The following PRSS23 variants were observed in gnomAD, a reference collection of about 807,000 sequenced individuals.
The protein encoded by PRSS23 is serine protease 23.
In PRSS23, 25 loss-of-function variants were observed where a neutral mutation model predicts 34.7. The ratio of observed to expected loss-of-function variants is 0.72; its 90% CI spans 0.53 to 1.01. The LOEUF (loss-of-function observed/expected upper bound fraction) is 1.01, where lower values mean the gene tolerates loss of function less well. PRSS23 is among the 50% of genes least tolerant of loss of function. The probability of loss-of-function intolerance (pLI) is 0.00; values close to 1 mark genes in which losing one functional copy is unlikely to be tolerated. For missense variants in PRSS23, 445 were observed against 475.6 expected (o/e 0.94, Z 0.60); for synonymous variants, 176 against 186.6 (o/e 0.94, Z 0.46).
chr11:86,876,973 A>C (rs1313581635), intron 2 of PRSS23, among the ~76,000 whole-genome samples: 1 of 152,204 alleles, frequency 6.6e-6, no homozygotes, highest in African/African-American at 2.4e-5. Context: ...AGAGTTGTAT[A>C]ACCTGTCTTC....
At position 86,829,631 on chromosome 11, in the gene PRSS23, T is replaced by G. The variant is rs567377064; in HGVS notation, c.206+6038T>G. 3.7e-3 allele frequency among the ~76,000 whole-genome samples: 570 copies of G among 152,232 alleles called. 4 individuals carry two copies. Among genetic ancestry groups the G allele is most frequent in the African/African-American group, 0.013 (527 of 41,532 alleles). ...CATCTTTGTGGTTTTATCTACTTTT[T>G]GTCTTTGATGATGGTGATGTACAGA... On this transcript the variant is annotated intron_variant, in intron 2 of 2. Coordinates refer to the PRSS23 transcript ENST00000533902.
intron 2 of PRSS23, among the ~76,000 whole-genome samples, chr11:86,866,446 C>T (rs1301475195): frequency 6.6e-6 from 1 of 152,134 alleles, no homozygotes; most frequent in African/African-American, 2.4e-5. Context: ...AGAGGACTAC[C>T]TGCCTATTTA....
chr11:86,833,343 C>T lies in PRSS23; in HGVS notation c.206+9750C>T, dbSNP rs376069497. On this transcript the variant is annotated intron_variant, in intron 2 of 2. Transcript: ENST00000533902. ...CCAGGATAATGAGCAGATTCTCCAG[C>T]ACCATGACTAGGTACATGAACAGGA... The T allele has an allele frequency of 7.5e-5, 72 of 954,018 alleles. No homozygotes were observed. In the African/African-American group the frequency reaches 9.1e-4, roughly 12 times the overall value. The allele number at this position is 954,018 out of a possible 1,614,324, so 59.1% of individuals were successfully genotyped here. A position where few individuals can be genotyped will look rare whatever the true frequency, so the allele number is the denominator to read the frequency against.
At chr11:86,930,691 G>A (rs1156274786) in intron 2 of PRSS23, among the ~76,000 whole-genome samples, 2 of 151,882 alleles carry the variant, frequency 1.3e-5, no homozygotes, top group Non-Finnish European at 2.9e-5. Context: ...TGGGGAGGCT[G>A]AGGCAGGAGA....
intron 2 of PRSS23, among the ~76,000 whole-genome samples, chr11:86,896,768 C>T (rs1040793679): frequency 5.9e-5 from 9 of 152,236 alleles, no homozygotes; most frequent in African/African-American, 1.7e-4. Flanking sequence ...ACTAATGCAG[C>T]GTCTACCCTG....
chr11:86,902,448 C>T (rs894158815), intron 2 of PRSS23, among the ~76,000 whole-genome samples: 25 of 152,146 alleles, frequency 1.6e-4, no homozygotes, highest in African/African-American at 5.6e-4. Context: ...GGGTCCTCAC[C>T]CAAGCTTCGG....
chr11:86,939,426 A>ATATATATATATATAT, intron 2 of PRSS23, among the ~76,000 whole-genome samples: 1 of 94,076 alleles, frequency 1.1e-5, no homozygotes, highest in African/African-American at 3.3e-5. Context: ...ATATATATAT[A>ATATATATATATATAT]TTTTTTAACA....
At chr11:86,907,860 A>G (rs1405202703) in intron 2 of PRSS23, among the ~76,000 whole-genome samples, 2 of 148,562 alleles carry the variant, frequency 1.3e-5, no homozygotes, top group African/African-American at 4.9e-5. Context: ...GAAACTTTAT[A>G]CCCAGTTGAA....
intron 2 of PRSS23, among the ~76,000 whole-genome samples, chr11:86,930,172 T>C (rs72963410): frequency 0.04 from 5,054 of 125,222 alleles, 119 homozygotes; most frequent in Non-Finnish European, 0.064. Context: ...AAAACTGATA[T>C]CAAGAAGTTC....
chr11:86,812,801 AAAAGAAAAAG>A (rs2135606993), downstream of PRSS23, among the ~76,000 whole-genome samples: 1 of 149,964 alleles, frequency 6.7e-6, no homozygotes, highest in Admixed American at 6.7e-5. Flanking sequence ...AAAAAAAAAA[AAAAGAAAAAG>A]AAAAAGAAAA....
At chr11:86,895,302 GCTT>G (rs1948866818) in intron 2 of PRSS23, among the ~76,000 whole-genome samples, 1 of 152,002 alleles carries the variant, frequency 6.6e-6, no homozygotes, top group African/African-American at 2.4e-5. Context: ...ACTTCTCTGG[GCTT>G]CTGCTTTCAC....
chr11:86,824,269 C>G (rs1948279159), intron 2 of PRSS23, among the ~76,000 whole-genome samples: 1 of 149,388 alleles, frequency 6.7e-6, no homozygotes, highest in Non-Finnish European at 1.5e-5. Flanking sequence ...GATCACAACA[C>G]TGCACTTACT....
chr11:86,912,836 G>C (rs1014658520), intron 2 of PRSS23, among the ~76,000 whole-genome samples: 1 of 151,950 alleles, frequency 6.6e-6, no homozygotes, highest in Non-Finnish European at 1.5e-5. Flanking sequence ...AATAATTTTG[G>C]ATTATGTCTT....
At chr11:86,806,017 C>A (rs1948097141) in intron 1 of PRSS23, among the ~76,000 whole-genome samples, 1 of 152,244 alleles carries the variant, frequency 6.6e-6, no homozygotes, top group African/African-American at 2.4e-5. Context: ...GTCAGAGCCA[C>A]TGAGAGCCAA....
chr11:86,882,985 G>T (rs1165987452), intron 2 of PRSS23, among the ~76,000 whole-genome samples: 1 of 152,046 alleles, frequency 6.6e-6, no homozygotes, highest in Non-Finnish European at 1.5e-5. Context: ...ACACTTTTTG[G>T]CCACATCTGT....
At chr11:86,832,967 G>C (rs549536340) in intron 2 of PRSS23, 96 of 383,702 alleles carry the variant, frequency 2.5e-4, no homozygotes, top group African/African-American at 1.9e-3. Flanking sequence ...CATTTGTAAG[G>C]CAATCAAATT....
intron 1 of PRSS23, among the ~76,000 whole-genome samples, chr11:86,804,798 A>T (rs573604226): frequency 6.6e-6 from 1 of 152,300 alleles, no homozygotes; most frequent in East Asian, 1.9e-4. Context: ...GATCCTCTAT[A>T]TTGAGAGGTT....
chr11:86,937,375 G>A (rs1273472275), intron 2 of PRSS23: 7 of 152,248 alleles, frequency 4.6e-5, no homozygotes, highest in South Asian at 2.1e-4. Context: ...TGTCAGAGGC[G>A]TCTGAACCAG....
intron 2 of PRSS23, among the ~76,000 whole-genome samples, chr11:86,870,996 A>G (rs1279942760): frequency 6.6e-6 from 1 of 152,120 alleles, no homozygotes; most frequent in African/African-American, 2.4e-5. Context: ...GACTATTTAT[A>G]TTGACAATTT....
Sources: allele counts gnomAD v4.1 joint callset (sites outside exome capture counted in the v4.1 genomes callset), GRCh38; gene constraint gnomAD v4.1.1; transcripts MANE v1.5; gene names NCBI Gene and HGNC (gene_info 2026-07-23, HGNC 2026-07-21).